Variants in ETV6 observed in about 807,000 individuals in gnomAD.
ETV6 encodes ETS variant transcription factor 6.
ETV6 carries 16 observed loss-of-function variants against 51.1 expected under a neutral mutation model. That is an observed-to-expected ratio of 0.31 (90% CI 0.21 to 0.48). The LOEUF is 0.48. ETV6 is among the 20% of genes least tolerant of loss of function. The pLI is 0.99. For synonymous variants in ETV6, 240 were observed against 224.1 expected (o/e 1.07, Z -0.64); for missense variants, 458 against 594.8 (o/e 0.77, Z 2.39).
intron 1 of ETV6, among the ~76,000 whole-genome samples, chr12:11,711,962 A>T (rs1057438510): frequency 2.6e-5 from 4 of 152,184 alleles, no homozygotes; most frequent in African/African-American, 9.7e-5. Flanking sequence ...GGCTCCAGCA[A>T]ACTCCAGCCT....
chr12:11,679,287 A>G (rs971878870), intron 1 of ETV6, among the ~76,000 whole-genome samples: 3 of 152,184 alleles, frequency 2.0e-5, no homozygotes, highest in African/African-American at 7.2e-5. Context: ...TAAGGCCCTG[A>G]GCAGCTATAT....
chr12:11,866,167 A>G (rs1946788029), intron 4 of ETV6, among the ~76,000 whole-genome samples: 1 of 151,470 alleles, frequency 6.6e-6, no homozygotes, highest in African/African-American at 2.4e-5. Context: ...TTCAGATATT[A>G]TACTTTTCAG....
intron 7 of ETV6, among the ~76,000 whole-genome samples, chr12:11,888,676 T>A (rs1415011245): frequency 6.6e-6 from 1 of 152,122 alleles, no homozygotes; most frequent in Non-Finnish European, 1.5e-5. Context: ...GTGCTTGAAT[T>A]ACAGATGTGA....
Position 11,650,168 on chromosome 12 carries a change from T to A in ETV6, c.33+8T>A. On this transcript the variant is annotated splice_region_variant and intron_variant, in intron 1 of 7. Transcript: ENST00000396373. ...GCTCAGTGTAGCATTAAGGTAAAAA[T>A]CTTCTCCCCTCCTTCTACGTGGTGG... 1 of 1,612,052 alleles carries A rather than the reference T, an allele frequency of 6.2e-7. No homozygotes were observed. The highest frequency in any genetic ancestry group is 8.5e-7 in the Non-Finnish European group (1 of 1,178,502).
intron 7 of ETV6, 105 bp downstream of exon 7, chr12:11,886,131 A>G (rs1947179471): frequency 1.3e-6 from 1 of 772,000 alleles, no homozygotes; most frequent in African/African-American, 1.7e-5. Flanking sequence ...CCTATCGGAT[A>G]CCCAAAGCCA....
intron 2 of ETV6, among the ~76,000 whole-genome samples, chr12:11,764,691 C>A (rs1162015202): frequency 6.6e-6 from 1 of 152,174 alleles, no homozygotes; most frequent in Admixed American, 6.5e-5. Context: ...GGGGAAGGAG[C>A]TACCAGAGCT....
chr12:11,775,103 C>T (rs965249070), intron 2 of ETV6, among the ~76,000 whole-genome samples: 8 of 152,162 alleles, frequency 5.3e-5, no homozygotes, highest in Admixed American at 5.2e-4. Flanking sequence ...AAGCTTTGAA[C>T]CAGTGATGAG....
intron 1 of ETV6, among the ~76,000 whole-genome samples, chr12:11,704,134 C>G (rs998690789): frequency 3.9e-5 from 6 of 152,110 alleles, no homozygotes; most frequent in African/African-American, 1.4e-4. Context: ...AGGTAAGCAC[C>G]GTGAAAACGG....
intron 2 of ETV6, among the ~76,000 whole-genome samples, chr12:11,767,571 C>T (rs1356515547): frequency 6.6e-6 from 1 of 152,226 alleles, no homozygotes; most frequent in East Asian, 1.9e-4. Flanking sequence ...TCCTGGCTGT[C>T]ACTCAGTTGC....
chr12:11,752,606 AGAG>A, intron 2 of ETV6, 27 bp downstream of exon 2: 1 of 1,599,090 alleles, frequency 6.3e-7, no homozygotes, highest in Middle Eastern at 1.9e-4. Flanking sequence ...CGAGAGGGAC[AGAG>A]GATTGATGGC....
chr12:11,719,715 CTG>C (rs1257950005), intron 1 of ETV6, among the ~76,000 whole-genome samples: 2 of 152,330 alleles, frequency 1.3e-5, no homozygotes, highest in Middle Eastern at 3.4e-3. Context: ...AAAGGCAAGT[CTG>C]TGCATTAAAA....
intron 2 of ETV6, among the ~76,000 whole-genome samples, chr12:11,812,294 C>T (rs1486275590): frequency 3.3e-5 from 5 of 152,172 alleles, no homozygotes; most frequent in Non-Finnish European, 5.9e-5. Flanking sequence ...CCTCTAATTC[C>T]TTGCAGTATT....
chr12:11,787,085 A>G (rs551629401), intron 2 of ETV6, among the ~76,000 whole-genome samples: 3 of 152,336 alleles, frequency 2.0e-5, no homozygotes, highest in African/African-American at 7.2e-5. Flanking sequence ...TAGTATTTCA[A>G]ATGTCTCGTG....
chr12:11,748,694 C>T (rs957143615), intron 1 of ETV6, among the ~76,000 whole-genome samples: 2 of 152,140 alleles, frequency 1.3e-5, no homozygotes, highest in African/African-American at 4.8e-5. Flanking sequence ...CATTCTCCTA[C>T]TGAGCACAGA....
chr12:11,812,753 G>A (rs1945932975), intron 2 of ETV6, among the ~76,000 whole-genome samples: 2 of 152,310 alleles, frequency 1.3e-5, no homozygotes, highest in South Asian at 4.1e-4. Context: ...CTGCAGGGGA[G>A]GCTCCTGCGT....
intron 1 of ETV6, among the ~76,000 whole-genome samples, chr12:11,713,037 C>A (rs1000981414): frequency 2.6e-5 from 4 of 152,076 alleles, no homozygotes; most frequent in African/African-American, 9.7e-5. Context: ...GAGATGGGAG[C>A]CACACGTGAA....
chr12:11,689,809 T>TCCCCC (rs796644073), intron 1 of ETV6, among the ~76,000 whole-genome samples: 12 of 47,090 alleles, frequency 2.5e-4, no homozygotes, highest in Admixed American at 1.2e-3. Flanking sequence ...TCTTTTTCCC[T>TCCCCC]CCCCCCCCCC....
chr12:11,712,688 T>C (rs1014415713), intron 1 of ETV6, among the ~76,000 whole-genome samples: 8 of 152,136 alleles, frequency 5.3e-5, no homozygotes, highest in African/African-American at 1.9e-4. Flanking sequence ...CTTCAACTGA[T>C]TGGTTGAGGC....
At chr12:11,741,787 T>G (rs563922680) in intron 1 of ETV6, among the ~76,000 whole-genome samples, 1 of 152,270 alleles carries the variant, frequency 6.6e-6, no homozygotes, top group Non-Finnish European at 1.5e-5. Context: ...TAAAACCTAT[T>G]GTGAAAGAGA....
Sources: gnomAD v4.1 joint callset for allele counts (sites outside exome capture counted in the v4.1 genomes callset) on GRCh38, gnomAD v4.1.1 for gene constraint, MANE v1.5 for transcripts, NCBI Gene and HGNC (gene_info 2026-07-23, HGNC 2026-07-21) for gene names.